The following HECTD2 variants were observed in gnomAD, a reference collection of about 807,000 sequenced individuals.
The protein encoded by HECTD2 is probable E3 ubiquitin-protein ligase HECTD2.
Under a neutral mutation model 103.2 loss-of-function variants are expected in HECTD2, and 35 were observed. The ratio of observed to expected loss-of-function variants is 0.34; its 90% CI spans 0.26 to 0.45. The LOEUF (loss-of-function observed/expected upper bound fraction) is 0.45, where lower values mean the gene tolerates loss of function less well. Ranked by LOEUF, HECTD2 falls within the 20% of genes least tolerant of loss-of-function variation. The probability of loss-of-function intolerance (pLI) is 1.00; values close to 1 mark genes in which losing one functional copy is unlikely to be tolerated. For synonymous variants in HECTD2, 281 were observed against 329.9 expected (o/e 0.85, Z 1.61); for missense variants, 596 against 937.4 (o/e 0.64, Z 4.76).
At chr10:91,473,122 G>A (rs984587945) in intron 5 of HECTD2, among the ~76,000 whole-genome samples, 2 of 152,044 alleles carry the variant, frequency 1.3e-5, no homozygotes, top group Non-Finnish European at 2.9e-5. Flanking sequence ...ACAAATAACA[G>A]GGGAAACAAA....
rs1289687409 is a variant in HECTD2 at position 91,499,161 on chromosome 10, A to C, written c.1950+11A>C. On this transcript the variant is annotated intron_variant, in intron 18 of 20. Coordinates refer to ENST00000298068, the MANE Select transcript of HECTD2 (RefSeq NM_182765.6). ...TCAAATGCCCTAATGGTGAGTTTAT[A>C]ACTTTAAATCAAGCTTTCGGTTAGC... 6.5e-7 allele frequency: 1 copy of C among 1,537,254 alleles called. No homozygotes were observed. Among genetic ancestry groups the C allele is most frequent in the Non-Finnish European group, 9.0e-7 (1 of 1,113,224 alleles).
At chr10:91,412,153 G>A (rs1842936258) in intron 1 of HECTD2, among the ~76,000 whole-genome samples, 1 of 152,192 alleles carries the variant, frequency 6.6e-6, no homozygotes, top group Admixed American at 6.5e-5. Context: ...GTCCTAGCCA[G>A]TTCTCTCTAA....
intron 2 of HECTD2, among the ~76,000 whole-genome samples, chr10:91,440,222 A>G (rs920253508): frequency 6.6e-6 from 1 of 152,154 alleles, no homozygotes; most frequent in South Asian, 2.1e-4. Flanking sequence ...GCTTTGTCAT[A>G]AATAGCTCTT....
chr10:91,427,958 A>G (rs1271059207), intron 2 of HECTD2, among the ~76,000 whole-genome samples: 2 of 151,776 alleles, frequency 1.3e-5, no homozygotes, highest in Admixed American at 6.6e-5. Context: ...GCCCATGCCT[A>G]TGTCCTGAAT....
chr10:91,509,628 A>T (rs527468342), intron 20 of HECTD2, among the ~76,000 whole-genome samples: 1 of 152,202 alleles, frequency 6.6e-6, no homozygotes, highest in Non-Finnish European at 1.5e-5. Flanking sequence ...CCTTTGCAGC[A>T]ACATGGATGA....
At chr10:91,422,101 T>G (rs184220292) in intron 1 of HECTD2, among the ~76,000 whole-genome samples, 6 of 152,278 alleles carry the variant, frequency 3.9e-5, no homozygotes, top group African/African-American at 1.4e-4. Flanking sequence ...ACAGATATGA[T>G]CATGTCATAT....
chr10:91,504,052 C>G (rs1474804473), intron 20 of HECTD2, among the ~76,000 whole-genome samples: 1 of 152,152 alleles, frequency 6.6e-6, no homozygotes, highest in Non-Finnish European at 1.5e-5. Flanking sequence ...TCCAACAGAC[C>G]TGCACCTGAG....
At chr10:91,457,966 G>T (rs1037499335) in intron 2 of HECTD2, among the ~76,000 whole-genome samples, 1 of 141,624 alleles carries the variant, frequency 7.1e-6, no homozygotes, top group African/African-American at 2.6e-5. Flanking sequence ...AAGACATACA[G>T]ATTAGAAAAT....
chr10:91,461,232 G>T, intron 3 of HECTD2, 22 bp from the exon 4 acceptor site: 1 of 1,056,752 alleles, frequency 9.5e-7, no homozygotes. Context: ...ATGTATATAC[G>T]GTTAATGTGT....
intron 3 of HECTD2, among the ~76,000 whole-genome samples, 185 bp from the exon 4 acceptor site, chr10:91,461,069 T>C (rs960790241): frequency 3.3e-5 from 5 of 152,202 alleles, no homozygotes; most frequent in African/African-American, 1.2e-4. Context: ...AATGGGAAAG[T>C]TGAAGCTAGA....
intron 2 of HECTD2, among the ~76,000 whole-genome samples, chr10:91,452,298 T>G (rs574668826): frequency 3.2e-4 from 48 of 152,104 alleles, no homozygotes; most frequent in African/African-American, 1.1e-3. Context: ...CAAACCTCAT[T>G]CAGAAGAAAT....
chr10:91,471,962 T>G (rs1845745082), intron 5 of HECTD2, among the ~76,000 whole-genome samples: 1 of 152,182 alleles, frequency 6.6e-6, no homozygotes. Context: ...AAAAAACTAT[T>G]TTAAAATTCA....
At chr10:91,449,878 G>C (rs569850986) in intron 2 of HECTD2, among the ~76,000 whole-genome samples, 1 of 152,242 alleles carries the variant, frequency 6.6e-6, no homozygotes, top group South Asian at 2.1e-4. Context: ...AAATAAGAGA[G>C]AACACAAACA....
At chr10:91,461,197 T>C in intron 3 of HECTD2, 57 bp from the exon 4 acceptor site, 1 of 745,292 alleles carries the variant, frequency 1.3e-6, no homozygotes, top group Non-Finnish European at 2.2e-6. Flanking sequence ...AAAGTAATAC[T>C]AGTTTATCTG....
intron 2 of HECTD2, among the ~76,000 whole-genome samples, chr10:91,459,187 A>T (rs1041164276): frequency 2.6e-5 from 4 of 152,036 alleles, no homozygotes; most frequent in African/African-American, 9.7e-5. Flanking sequence ...TTATGCAACT[A>T]TCAAAAATAA....
chr10:91,484,361 T>A, intron 8 of HECTD2, 146 bp from the exon 9 acceptor site: 1 of 1,426,114 alleles, frequency 7.0e-7, no homozygotes, highest in South Asian at 1.3e-5. Flanking sequence ...ATTTTGTATC[T>A]TTTCAAATGT....
chr10:91,455,604 T>C (rs923834728), intron 2 of HECTD2, among the ~76,000 whole-genome samples: 30 of 152,202 alleles, frequency 2.0e-4, no homozygotes, highest in Non-Finnish European at 3.7e-4. Context: ...ATTTTGGCTT[T>C]TGTTGCCATT....
At chr10:91,502,809 T>A (rs1333740156) in intron 20 of HECTD2, among the ~76,000 whole-genome samples, 1 of 152,180 alleles carries the variant, frequency 6.6e-6, no homozygotes. Context: ...ACATTACTTC[T>A]AAACTTTCCC....
At chr10:91,491,344 A>G (rs1349105116) in intron 12 of HECTD2, 37 bp downstream of exon 12, 1 of 917,734 alleles carries the variant, frequency 1.1e-6, no homozygotes. Flanking sequence ...ATTAAAGCTT[A>G]AAATTCTATA....
Sources: gnomAD v4.1 joint callset for allele counts (sites outside exome capture counted in the v4.1 genomes callset) on GRCh38, gnomAD v4.1.1 for gene constraint, MANE v1.5 for transcripts, NCBI Gene and HGNC (gene_info 2026-07-23, HGNC 2026-07-21) for gene names.